The following CACNG5 variants were observed in gnomAD, a reference collection of about 807,000 sequenced individuals.
CACNG5 encodes calcium voltage-gated channel auxiliary subunit gamma 5.
In CACNG5, 18 loss-of-function variants were observed where a neutral mutation model predicts 24.8. The ratio of observed to expected loss-of-function variants is 0.73; its 90% CI spans 0.50 to 1.08. The LOEUF (loss-of-function observed/expected upper bound fraction) is 1.08. Among genes scored for constraint, CACNG5 ranks in the 50% least tolerant of loss-of-function variants. The pLI is 0.00. For missense variants in CACNG5, 349 were observed against 367.9 expected, an observed-to-expected ratio of 0.95 and a Z score of 0.42; for synonymous variants, 157 against 149.1, an observed-to-expected ratio of 1.05 and a Z score of -0.39.
chr17:66,856,530 G>A (rs1438253648), intron 1 of CACNG5, among the ~76,000 whole-genome samples: 1 of 139,334 alleles, frequency 7.2e-6, no homozygotes, highest in Admixed American at 7.9e-5. Flanking sequence ...AGGATCCCTC[G>A]TGTTGCCCCC....
chr17:66,874,244 T>A (rs898856887), intron 1 of CACNG5, among the ~76,000 whole-genome samples: 1 of 152,190 alleles, frequency 6.6e-6, no homozygotes, highest in Non-Finnish European at 1.5e-5. Context: ...TGCCTAACAA[T>A]GATAAACGTT....
At chr17:66,859,011 C>T (rs1976820106) in intron 1 of CACNG5, among the ~76,000 whole-genome samples, 1 of 152,164 alleles carries the variant, frequency 6.6e-6, no homozygotes, top group African/African-American at 2.4e-5. Context: ...TGCTGTGGCT[C>T]CTATATGACC....
intron 4 of CACNG5, among the ~76,000 whole-genome samples, chr17:66,882,873 C>T (rs1364959958): frequency 6.6e-6 from 1 of 152,136 alleles, no homozygotes; most frequent in Admixed American, 6.5e-5. Context: ...TTCTTGTCAA[C>T]GTAGCTTGGG....
intron 1 of CACNG5, among the ~76,000 whole-genome samples, chr17:66,867,820 A>G (rs1176862576): frequency 2.0e-5 from 3 of 152,016 alleles, no homozygotes; most frequent in East Asian, 2.0e-4. Flanking sequence ...ATTCTGTTAC[A>G]TTGATCTATG....
rs75282554 is a variant in CACNG5, at chr17:66,886,398, A to G, written c.*1158A>G. Among the ~76,000 whole-genome samples the G allele has an allele frequency of 5.5e-3, 842 of 152,132 alleles. 52 individuals carry two copies. In the East Asian group the frequency reaches 0.12, roughly 21 times the overall value. On this transcript the variant is annotated 3_prime_UTR_variant, in exon 6 of 6. Transcript: ENST00000533854. ...TGTAGGACAGATGTGGGCAAATCAG[A>G]TTTTTCCAGAAGACCAGGCAGTGTG...
At chr17:66,862,376 A>G (rs1236750186) in intron 1 of CACNG5, among the ~76,000 whole-genome samples, 1 of 95,512 alleles carries the variant, frequency 1.0e-5, no homozygotes, top group Non-Finnish European at 2.6e-5. Context: ...GTCACTTACA[A>G]GTGTCACAAT....
intron 1 of CACNG5, among the ~76,000 whole-genome samples, chr17:66,857,612 C>T (rs1358443007): frequency 5.3e-5 from 8 of 152,196 alleles, no homozygotes; most frequent in Non-Finnish European, 8.8e-5. Flanking sequence ...ATACTTACCG[C>T]ATGTCTCACT....
At chr17:66,861,399 C>T (rs1466805854) in intron 1 of CACNG5, among the ~76,000 whole-genome samples, 1 of 152,196 alleles carries the variant, frequency 6.6e-6, no homozygotes, top group Non-Finnish European at 1.5e-5. Flanking sequence ...AAGAAGATGC[C>T]ATTGTTATCC....
chr17:66,878,870 A>C, intron 2 of CACNG5, 102 bp from the exon 3 acceptor site: 2 of 927,564 alleles, frequency 2.2e-6, no homozygotes, highest in Non-Finnish European at 3.4e-6. Context: ...AAGACACAGC[A>C]GGTCAAAGAT....
rs757660826 is a variant in CACNG5 at position 66,885,291 on chromosome 17, G to T, written c.*51G>T. The T allele has an allele frequency of 1.3e-6, 2 of 1,525,032 alleles. No homozygotes were observed. Among genetic ancestry groups the T allele is most frequent in the Non-Finnish European group, 1.7e-6 (2 of 1,143,690 alleles). 94.5% of individuals were successfully genotyped at this position (1,525,032 alleles called of 1,614,324 possible). A position where few individuals can be genotyped will look rare whatever the true frequency, so the allele number is the denominator to read the frequency against. On this transcript the variant is annotated 3_prime_UTR_variant, in exon 6 of 6. Coordinates refer to ENST00000533854, the MANE Select transcript of CACNG5 (RefSeq NM_145811.3). ...TGTGGGTGGCCAGACAACCCTTCCTGTTCTCTCCAGGTGACCCCTGAGCCC... is the reference window on the plus strand; with the variant it reads ...TGTGGGTGGCCAGACAACCCTTCCTTTTCTCTCCAGGTGACCCCTGAGCCC...
intron 1 of CACNG5, among the ~76,000 whole-genome samples, chr17:66,847,790 C>T (rs1976656749): frequency 6.6e-6 from 1 of 152,186 alleles, no homozygotes; most frequent in Admixed American, 6.5e-5. Flanking sequence ...GGTGGCCCTC[C>T]CTTGCACCTC....
chr17:66,856,889 C>G (rs7215215), intron 1 of CACNG5, among the ~76,000 whole-genome samples: 1 of 152,032 alleles, frequency 6.6e-6, no homozygotes, highest in Non-Finnish European at 1.5e-5. Flanking sequence ...TCTCTCCCCT[C>G]TCTGTCCCTG....
rs772848196 is a variant in CACNG5 at position 66,884,745 on chromosome 17, G to A, written c.570+84G>A. Reference sequence around the variant, plus strand: ...GGGGAGAGTGGGGATGGGGGAGAAGGGACATTCCACAACCATTTTGGACCC... The same window carrying A: ...GGGGAGAGTGGGGATGGGGGAGAAGAGACATTCCACAACCATTTTGGACCC... On this transcript the variant is annotated intron_variant, in intron 5 of 5. Transcript: ENST00000533854. 17 of 1,613,892 alleles carry A rather than the reference G, an allele frequency of 1.1e-5. 1 individual carries two copies. In the East Asian group the frequency reaches 3.8e-4, roughly 36 times the overall value.
chr17:66,887,147 T>C lies in CACNG5; in HGVS notation c.*1907T>C, dbSNP rs1315062452. ...GTTTAGCCCATGACAGGTATTTTGT[T>C]GCTGGATTCTTCCATTTGTCTCACA... On this transcript the variant is annotated 3_prime_UTR_variant, in exon 6 of 6. Transcript: ENST00000533854. Among the ~76,000 whole-genome samples the C allele has an allele frequency of 6.6e-6, 1 of 152,234 alleles. No individual in the cohort carries two copies. The highest frequency in any genetic ancestry group is 1.5e-5 in the Non-Finnish European group (1 of 68,048).
At chr17:66,838,783 C>T (rs1976519479) in intron 1 of CACNG5, among the ~76,000 whole-genome samples, 1 of 151,968 alleles carries the variant, frequency 6.6e-6, no homozygotes, top group South Asian at 2.1e-4. Context: ...ACCTGCTATG[C>T]ATGTGCTGGC....
At chr17:66,853,971 A>C (rs1479541178) in intron 1 of CACNG5, among the ~76,000 whole-genome samples, 1 of 152,208 alleles carries the variant, frequency 6.6e-6, no homozygotes, top group Non-Finnish European at 1.5e-5. Flanking sequence ...ATGAAAAACT[A>C]CAAAACTGTC....
At chr17:66,874,642 A>C (rs1356989696) in intron 1 of CACNG5, among the ~76,000 whole-genome samples, 1 of 152,148 alleles carries the variant, frequency 6.6e-6, no homozygotes, top group African/African-American at 2.4e-5. Flanking sequence ...GACCCCAGAC[A>C]CCTTCTGCTA....
rs886948685 is a variant in CACNG5 at position 66,891,806 on chromosome 17, G to A, written c.*6566G>A. 6.6e-6 allele frequency among the ~76,000 whole-genome samples: 1 copy of A among 152,232 alleles called. No individual in the cohort carries two copies. The highest frequency in any genetic ancestry group is 2.4e-5 in the African/African-American group (1 of 41,468). On this transcript the variant is annotated 3_prime_UTR_variant, in exon 6 of 6. Coordinates refer to ENST00000533854, the MANE Select transcript of CACNG5 (RefSeq NM_145811.3). ...CCACCTTTGAGAAACACGATCTGCT[G>A]TACCATGACTGGCTTTGACTAGTAA...
chr17:66,849,370 G>A (rs188816455), intron 1 of CACNG5, among the ~76,000 whole-genome samples: 3 of 152,282 alleles, frequency 2.0e-5, no homozygotes, highest in South Asian at 2.1e-4. Context: ...CAGCAGGCCC[G>A]ATGGAGCCAG....
Sources: allele counts gnomAD v4.1 joint callset (sites outside exome capture counted in the v4.1 genomes callset), GRCh38; gene constraint gnomAD v4.1.1; transcripts MANE v1.5; gene names NCBI Gene and HGNC (gene_info 2026-07-23, HGNC 2026-07-21).